RANBP2: variants seen among roughly 807,000 people sequenced by gnomAD.
RANBP2 encodes the protein E3 SUMO-protein ligase RanBP2.
A neutral mutation model predicts 303.6 loss-of-function variants in RANBP2; 57 were observed. The ratio of observed to expected loss-of-function variants is 0.19; its 90% CI spans 0.15 to 0.23. RANBP2 has a LOEUF of 0.23. Among genes scored for constraint, RANBP2 ranks in the 10% least tolerant of loss-of-function variants. The pLI is 1.00. For synonymous variants in RANBP2, 1,167 were observed against 1,301.5 expected, an observed-to-expected ratio of 0.90 and a Z score of 2.23; for missense variants, 3,138 against 3,780.8, an observed-to-expected ratio of 0.83 and a Z score of 4.46.
rs1696023668 is a variant in RANBP2 at position 108,740,819 on chromosome 2, T to G, written c.975+138T>G. 1.6e-5 allele frequency: 23 copies of G among 1,394,324 alleles called. No homozygotes were observed. The South Asian group carries it at 2.1e-4, about 13-fold the overall frequency. The allele number at this position is 1,394,324 out of a possible 1,614,324, so 86.4% of individuals were successfully genotyped here. A position where few individuals can be genotyped will look rare whatever the true frequency, so the allele number is the denominator to read the frequency against. ...AGTTGAAATAGTCAATTTGATACAG[T>G]GGAAAATAACTAAGCATACACAATA... On this transcript the variant is annotated intron_variant, in intron 7 of 28. Coordinates refer to ENST00000283195, the MANE Select transcript of RANBP2 (RefSeq NM_006267.5).
chr2:109,029,196 T>G, the RANBP2 span, among the ~76,000 whole-genome samples: 1 of 152,170 alleles, frequency 6.6e-6, no homozygotes, highest in African/African-American at 2.4e-5. Flanking sequence ...TTACTGTTAA[T>G]AGGACACCTG....
chr2:109,475,757 C>T, the RANBP2 span, among the ~76,000 whole-genome samples: 1 of 152,334 alleles, frequency 6.6e-6, no homozygotes, highest in South Asian at 2.1e-4. Context: ...CCAAATGGCT[C>T]CTCGGGGGCA....
At chr2:109,544,785 T>C in the RANBP2 span, 2 of 806,238 alleles carry the variant, frequency 2.5e-6, no homozygotes, top group Non-Finnish European at 3.0e-6. Context: ...ATTTATTCTT[T>C]CAAAAATAAT....
At chr2:109,623,079 A>G in the RANBP2 span, among the ~76,000 whole-genome samples, 4 of 152,228 alleles carry the variant, frequency 2.6e-5, no homozygotes, top group Non-Finnish European at 5.9e-5. Flanking sequence ...CTGAGCTGAG[A>G]TTGTGCCATT....
the RANBP2 span, among the ~76,000 whole-genome samples, chr2:109,636,091 C>G: frequency 6.6e-6 from 1 of 152,212 alleles, no homozygotes; most frequent in Non-Finnish European, 1.5e-5. Context: ...AAGGCACCAT[C>G]TGTGAACCAG....
At chr2:108,757,799 C>T (rs1314872589) in intron 17 of RANBP2, among the ~76,000 whole-genome samples, 1 of 151,696 alleles carries the variant, frequency 6.6e-6, no homozygotes, top group Admixed American at 6.6e-5. Context: ...TGGAGGTGAA[C>T]GTCAGAAAGG....
the RANBP2 span, among the ~76,000 whole-genome samples, chr2:108,837,655 A>G: frequency 1.3e-5 from 2 of 152,194 alleles, no homozygotes; most frequent in Admixed American, 1.3e-4. Flanking sequence ...CCAGTTACAT[A>G]AAAGAATAGC....
rs1553496280 is a variant in RANBP2 at position 108,765,635 on chromosome 2, C to T, written c.5096C>T (p.Ser1699Phe). The T allele has an allele frequency of 7.5e-7, 1 of 1,326,078 alleles. No individual in the cohort carries two copies. The highest frequency in any genetic ancestry group is 1.8e-5 in the Admixed American group (1 of 56,384). The allele number at this position is 1,326,078 out of a possible 1,614,324, so 82.1% of individuals were successfully genotyped here. A position where few individuals can be genotyped will look rare whatever the true frequency, so the allele number is the denominator to read the frequency against. The change falls in exon 20 of 29, where the codon TCT becomes TTT. Residue 1699 changes from serine (S) to phenylalanine (F), a missense_variant. By Grantham distance (155) the Ser-to-Phe change is radical. Coordinates refer to ENST00000283195, the MANE Select transcript of RANBP2 (RefSeq NM_006267.5). ...CCAGGTAAACAAAATCAAACTACTT[C>T]TGCAGTTTCAACACCTGCCTCTTCA... ...QNPGKQNQTTSAVSTPASSET... is the reference protein window; with the variant it reads ...QNPGKQNQTTFAVSTPASSET...
intron 13 of RANBP2, 94 bp downstream of exon 13, chr2:108,753,253 G>T (rs1485210182): frequency 2.5e-6 from 4 of 1,605,896 alleles, no homozygotes; most frequent in Non-Finnish European, 3.4e-6. Context: ...TAATTGCCTT[G>T]TTATTTAATG....
chr2:109,428,916 C>T, the RANBP2 span, among the ~76,000 whole-genome samples: 1 of 152,158 alleles, frequency 6.6e-6, no homozygotes, highest in Admixed American at 6.5e-5. Flanking sequence ...TTCTCCCTGC[C>T]ATGCCAGACC....
the RANBP2 span, among the ~76,000 whole-genome samples, chr2:109,366,531 C>T: frequency 6.6e-6 from 1 of 152,202 alleles, no homozygotes; most frequent in Non-Finnish European, 1.5e-5. Flanking sequence ...AGGAGAATAT[C>T]TCTGTACTTC....
the RANBP2 span, among the ~76,000 whole-genome samples, chr2:109,591,890 G>T: frequency 6.6e-6 from 1 of 152,000 alleles, no homozygotes; most frequent in Non-Finnish European, 1.5e-5. Flanking sequence ...GAGTGAGCAA[G>T]ACCCTGTCTC....
the RANBP2 span, among the ~76,000 whole-genome samples, chr2:109,149,397 TA>T: frequency 1.3e-5 from 2 of 152,376 alleles, no homozygotes; most frequent in East Asian, 3.9e-4. Flanking sequence ...ATAACGTAGC[TA>T]TTAATATTCA....
the RANBP2 span, among the ~76,000 whole-genome samples, chr2:109,726,939 C>G: frequency 6.6e-6 from 1 of 152,204 alleles, no homozygotes; most frequent in African/African-American, 2.4e-5. Context: ...GGAGATGGTG[C>G]TTGGCTCCTG....
the RANBP2 span, among the ~76,000 whole-genome samples, chr2:109,084,774 A>G: frequency 6.6e-6 from 1 of 152,202 alleles, no homozygotes; most frequent in Non-Finnish European, 1.5e-5. Flanking sequence ...CAGAAATGAC[A>G]GCATGAACAC....
the RANBP2 span, among the ~76,000 whole-genome samples, chr2:108,932,117 A>G: frequency 6.6e-6 from 1 of 152,186 alleles, no homozygotes. Context: ...TGACGAACAT[A>G]TGCCATGATG....
the RANBP2 span, among the ~76,000 whole-genome samples, chr2:109,539,826 G>C: frequency 1.3e-5 from 2 of 152,184 alleles, no homozygotes; most frequent in Admixed American, 1.3e-4. Context: ...TCTGCATCTG[G>C]CTTGAGAGCA....
chr2:108,771,990 G>A, intron 21 of RANBP2, 119 bp downstream of exon 21: 2 of 1,258,056 alleles, frequency 1.6e-6, no homozygotes, highest in Non-Finnish European at 2.3e-6. Flanking sequence ...CTTGCAGGTA[G>A]ATATTTACCC....
the RANBP2 span, among the ~76,000 whole-genome samples, chr2:109,695,887 G>T: frequency 2.0e-5 from 3 of 152,050 alleles, no homozygotes; most frequent in Admixed American, 2.0e-4. Context: ...AGGGAGGACA[G>T]GATTTGGGGG....
Sources: gnomAD v4.1 joint callset for allele counts (sites outside exome capture counted in the v4.1 genomes callset) on GRCh38, gnomAD v4.1.1 for gene constraint, MANE v1.5 for transcripts, NCBI Gene and HGNC (gene_info 2026-07-23, HGNC 2026-07-21) for gene names.